TMEM117: variants seen among roughly 807,000 people sequenced by gnomAD.
TMEM117 encodes the protein transmembrane protein 117.
TMEM117 carries 27 observed loss-of-function variants against 52.4 expected under a neutral mutation model. The observed-to-expected ratio is 0.51, with a 90% CI of 0.38 to 0.71. The LOEUF (loss-of-function observed/expected upper bound fraction) is 0.71, where lower values mean the gene tolerates loss of function less well. TMEM117 is among the 30% of genes least tolerant of loss of function. TMEM117 has a pLI of 0.00. For synonymous variants in TMEM117, 215 were observed against 206.3 expected (o/e 1.04, Z -0.36); for missense variants, 556 against 630.5 (o/e 0.88, Z 1.26).
intron 2 of TMEM117, among the ~76,000 whole-genome samples, chr12:43,859,651 C>T (rs1475405852): frequency 6.6e-6 from 1 of 152,052 alleles, no homozygotes; most frequent in Non-Finnish European, 1.5e-5. Flanking sequence ...TGGGGTATAA[C>T]TGACCTCAAG....
At chr12:43,896,381 C>A (rs1565739519) in intron 2 of TMEM117, among the ~76,000 whole-genome samples, 1 of 152,188 alleles carries the variant, frequency 6.6e-6, no homozygotes, top group Non-Finnish European at 1.5e-5. Context: ...AAAATATCAC[C>A]TCTTCTATAA....
intron 2 of TMEM117, among the ~76,000 whole-genome samples, chr12:43,883,823 C>T (rs1030509536): frequency 1.3e-5 from 2 of 151,314 alleles, no homozygotes; most frequent in Non-Finnish European, 2.9e-5. Context: ...CAACTCTATT[C>T]TAAGGGAGGA....
chr12:44,146,967 A>G (rs1234948555), intron 4 of TMEM117, among the ~76,000 whole-genome samples: 1 of 152,128 alleles, frequency 6.6e-6, no homozygotes, highest in African/African-American at 2.4e-5. Flanking sequence ...TATGAGAAGT[A>G]TCTTTGGCCC....
intron 2 of TMEM117, among the ~76,000 whole-genome samples, chr12:43,943,457 A>C (rs539214633): frequency 2.7e-4 from 41 of 152,216 alleles, no homozygotes; most frequent in African/African-American, 9.6e-4. Context: ...TGATATTAGT[A>C]ATTTTTACTT....
At chr12:44,093,975 T>C (rs554436457) in intron 3 of TMEM117, among the ~76,000 whole-genome samples, 1 of 152,218 alleles carries the variant, frequency 6.6e-6, no homozygotes, top group African/African-American at 2.4e-5. Context: ...ATTAATCAAC[T>C]AATAGTATTT....
intron 6 of TMEM117, among the ~76,000 whole-genome samples, chr12:44,363,467 C>G (rs754584587): frequency 3.3e-5 from 5 of 152,026 alleles, no homozygotes; most frequent in South Asian, 2.1e-4. Flanking sequence ...TAAAGGACAT[C>G]TCTTTATTTT....
intron 3 of TMEM117, among the ~76,000 whole-genome samples, chr12:44,137,887 T>A (rs58851540): frequency 0.03 from 4,631 of 152,228 alleles, 156 homozygotes; most frequent in African/African-American, 0.083. Context: ...CCCTGTGACA[T>A]TGGGGACCAC....
At chr12:44,128,219 C>T (rs1216161783) in intron 3 of TMEM117, among the ~76,000 whole-genome samples, 1 of 152,168 alleles carries the variant, frequency 6.6e-6, no homozygotes, top group Non-Finnish European at 1.5e-5. Flanking sequence ...CTGCTGCTTC[C>T]AGCCTTCTCT....
At chr12:44,144,620 G>T (rs911998657) in intron 4 of TMEM117, among the ~76,000 whole-genome samples, 3 of 152,138 alleles carry the variant, frequency 2.0e-5, no homozygotes, top group Admixed American at 2.0e-4. Flanking sequence ...GGAAGCAGTT[G>T]TAGCTTAACT....
At chr12:43,913,261 C>G (rs1273190955) in intron 2 of TMEM117, among the ~76,000 whole-genome samples, 1 of 152,128 alleles carries the variant, frequency 6.6e-6, no homozygotes, top group East Asian at 1.9e-4. Flanking sequence ...AGCTCTAAAT[C>G]CTTGAATATA....
intron 4 of TMEM117, among the ~76,000 whole-genome samples, chr12:44,164,782 A>G (rs980162048): frequency 1.3e-5 from 2 of 152,182 alleles, no homozygotes; most frequent in Admixed American, 6.5e-5. Context: ...TCTGGATGGT[A>G]TATTTTGTAT....
chr12:44,120,976 T>G (rs938157903), intron 3 of TMEM117, among the ~76,000 whole-genome samples: 17 of 152,116 alleles, frequency 1.1e-4, no homozygotes, highest in South Asian at 2.1e-4. Flanking sequence ...AAGAAAGAGG[T>G]TTATTGGACT....
chr12:43,966,347 A>C (rs569298206), intron 3 of TMEM117, among the ~76,000 whole-genome samples: 1 of 152,364 alleles, frequency 6.6e-6, no homozygotes, highest in South Asian at 2.1e-4. Context: ...AATTAAAATA[A>C]TACACAACAT....
chr12:43,844,002 A>T (rs568532290), intron 1 of TMEM117, among the ~76,000 whole-genome samples: 5 of 152,222 alleles, frequency 3.3e-5, no homozygotes, highest in African/African-American at 7.2e-5. Context: ...TTGTTAATAT[A>T]TGCTCATTTT....
intron 5 of TMEM117, among the ~76,000 whole-genome samples, chr12:44,228,439 A>C (rs1459628964): frequency 6.6e-6 from 1 of 152,148 alleles, no homozygotes; most frequent in Non-Finnish European, 1.5e-5. Flanking sequence ...TGTGGAAAAA[A>C]CAGATAAAGT....
chr12:44,068,700 G>A (rs1947257809), intron 3 of TMEM117, among the ~76,000 whole-genome samples: 1 of 152,092 alleles, frequency 6.6e-6, no homozygotes, highest in South Asian at 2.1e-4. Context: ...TACTATAACA[G>A]ATATAATAAT....
the TMEM117 span, among the ~76,000 whole-genome samples, chr12:43,830,024 G>T: frequency 6.7e-6 from 1 of 150,090 alleles, no homozygotes; most frequent in Non-Finnish European, 1.5e-5. Flanking sequence ...GGAGGCGGAC[G>T]TTGCAGTGAG....
intron 6 of TMEM117, among the ~76,000 whole-genome samples, chr12:44,324,599 A>C (rs1235022399): frequency 6.6e-6 from 1 of 152,152 alleles, no homozygotes; most frequent in African/African-American, 2.4e-5. Context: ...TAAAAAGGAA[A>C]CAAAAATGAC....
intron 6 of TMEM117, among the ~76,000 whole-genome samples, chr12:44,315,419 T>C (rs1951041505): frequency 6.6e-6 from 1 of 152,226 alleles, no homozygotes; most frequent in Non-Finnish European, 1.5e-5. Context: ...ACACTGTTTT[T>C]GCTTCATCCA....
Sources: allele counts gnomAD v4.1 joint callset (sites outside exome capture counted in the v4.1 genomes callset), GRCh38; gene constraint gnomAD v4.1.1; transcripts MANE v1.5; gene names NCBI Gene and HGNC (gene_info 2026-07-23, HGNC 2026-07-21).